Variants in SLC4A10 observed in about 807,000 individuals in gnomAD.
The protein encoded by SLC4A10 is solute carrier family 4 member 10.
A neutral mutation model predicts 137.7 loss-of-function variants in SLC4A10; 42 were observed. That is an observed-to-expected ratio of 0.30 (90% CI 0.24 to 0.39). SLC4A10 has a LOEUF of 0.39. SLC4A10 is among the 10% of genes least tolerant of loss of function. SLC4A10 has a pLI of 1.00. For synonymous variants in SLC4A10, 474 were observed against 464.1 expected, an observed-to-expected ratio of 1.02 and a Z score of -0.27; for missense variants, 925 against 1,355.0, an observed-to-expected ratio of 0.68 and a Z score of 4.98.
chr2:161,646,118 T>G (rs2035997036), intron 1 of SLC4A10, among the ~76,000 whole-genome samples: 2 of 152,036 alleles, frequency 1.3e-5, no homozygotes, highest in Non-Finnish European at 2.9e-5. Flanking sequence ...GCTAATAGCT[T>G]TTTTGGGAAT....
chr2:161,859,594 C>CTTTTCTTTTTTTTT (rs2060300861), intron 5 of SLC4A10, among the ~76,000 whole-genome samples: 3 of 47,282 alleles, frequency 6.3e-5, no homozygotes, highest in Non-Finnish European at 1.1e-4. Context: ...CTTTTCTTTT[C>CTTTTCTTTTTTTTT]TTTTTTTTTT....
At chr2:161,726,930 A>G (rs1375293814) in intron 1 of SLC4A10, among the ~76,000 whole-genome samples, 1 of 152,186 alleles carries the variant, frequency 6.6e-6, no homozygotes, top group East Asian at 1.9e-4. Flanking sequence ...AAACAAACAA[A>G]GAGACTCAAG....
intron 10 of SLC4A10, among the ~76,000 whole-genome samples, chr2:161,893,856 G>A (rs1172382345): frequency 6.6e-6 from 1 of 151,762 alleles, no homozygotes; most frequent in Non-Finnish European, 1.5e-5. Flanking sequence ...AAGTACAGAT[G>A]CTCCTCAACT....
chr2:161,903,584 C>A (rs906749945), intron 12 of SLC4A10, among the ~76,000 whole-genome samples: 1 of 152,062 alleles, frequency 6.6e-6, no homozygotes, highest in African/African-American at 2.4e-5. Context: ...GCCAGCTAAC[C>A]CTCCCTCCCT....
chr2:161,743,873 C>T (rs768715087), intron 1 of SLC4A10, among the ~76,000 whole-genome samples: 2 of 151,460 alleles, frequency 1.3e-5, no homozygotes, highest in East Asian at 3.9e-4. Context: ...AAGTTTATTC[C>T]TTGATATTTT....
rs572288230 is a variant in SLC4A10 at position 161,667,334 on chromosome 2, A to G, written c.48+42768A>G. 3.3e-5 allele frequency among the ~76,000 whole-genome samples: 5 copies of G among 151,802 alleles called. No individual in the cohort carries two copies. The South Asian group carries it at 1.0e-3, about 31-fold the overall frequency. On this transcript the variant is annotated intron_variant, in intron 1 of 26. Transcript: ENST00000446997. The stretch of plus-strand genomic sequence containing the variant: ...CCAGATTCTGCTCTAGGTGCTGGTA[A>G]AACAGAAGTGAAAACTAATGTCTCT...
At chr2:161,828,707 G>A (rs531085550) in intron 3 of SLC4A10, among the ~76,000 whole-genome samples, 10 of 132,630 alleles carry the variant, frequency 7.5e-5, no homozygotes, top group African/African-American at 2.5e-4. Flanking sequence ...CTGCTTACCC[G>A]GGATCTTAAT....
chr2:161,725,855 G>A (rs1353301618), intron 1 of SLC4A10, among the ~76,000 whole-genome samples: 1 of 152,172 alleles, frequency 6.6e-6, no homozygotes, highest in African/African-American at 2.4e-5. Flanking sequence ...TTTAGCATAA[G>A]TTAGTGGGAT....
chr2:161,957,148 C>T lies in SLC4A10; in HGVS notation c.2701C>T (p.Pro901Ser). ...AGAATGCTCAGCTCCAGGAGAACAA[C>T]CCAAATTTCTCGGCATTCGGGAGCA... ...ESECSAPGEQ[P>S]KFLGIREQRV... The change falls in exon 20 of 27, where the codon CCC becomes TCC. Residue 901 changes from proline to serine, a missense_variant. Physicochemically the swap from Pro to Ser is moderately conservative, Grantham distance 74 (BLOSUM62 -1). Around this residue, in one of 11 missense-constraint regions of SLC4A10, gnomAD observed 115 missense variants for 237.5 expected, o/e 0.48. Transcript: ENST00000446997. 1 of 1,613,760 alleles carries T rather than the reference C, an allele frequency of 6.2e-7. No homozygotes were observed. Among genetic ancestry groups the T allele is most frequent in the Non-Finnish European group, 8.5e-7 (1 of 1,179,818 alleles).
At chr2:161,859,301 T>TTTTCTTTTC (rs748143219) in intron 5 of SLC4A10, among the ~76,000 whole-genome samples, 2 of 54,480 alleles carry the variant, frequency 3.7e-5, no homozygotes, top group African/African-American at 5.1e-5. Flanking sequence ...CTTTTCTTTT[T>TTTTCTTTTC]TTTTTTTTTA....
chr2:161,678,450 G>A (rs955842550), intron 1 of SLC4A10, among the ~76,000 whole-genome samples: 1 of 152,196 alleles, frequency 6.6e-6, no homozygotes, highest in Admixed American at 6.6e-5. Flanking sequence ...AGTGAGAGAC[G>A]ACACGGATAT....
chr2:161,981,670 G>A (rs563466412), intron 26 of SLC4A10, among the ~76,000 whole-genome samples: 2 of 152,342 alleles, frequency 1.3e-5, no homozygotes, highest in Admixed American at 6.5e-5. Context: ...TAAAGTAGAA[G>A]AAAGTGAGTC....
intron 1 of SLC4A10, among the ~76,000 whole-genome samples, chr2:161,672,051 G>C (rs1328110513): frequency 1.3e-5 from 2 of 152,092 alleles, no homozygotes; most frequent in East Asian, 3.9e-4. Context: ...AGAGAATGGG[G>C]GGTGTGGACA....
intron 1 of SLC4A10, among the ~76,000 whole-genome samples, chr2:161,722,632 G>T (rs1042656218): frequency 5.9e-5 from 9 of 152,100 alleles, no homozygotes; most frequent in Admixed American, 2.6e-4. Flanking sequence ...CTTTTGGGGG[G>T]TCTCCCCAAG....
chr2:161,764,993 T>G (rs75919140), intron 1 of SLC4A10, among the ~76,000 whole-genome samples: 1 of 152,142 alleles, frequency 6.6e-6, no homozygotes, highest in African/African-American at 2.4e-5. Context: ...TTCTGTCGGA[T>G]TAGTTACTGT....
chr2:161,949,552 G>T (rs187043038), intron 18 of SLC4A10, among the ~76,000 whole-genome samples: 3 of 152,072 alleles, frequency 2.0e-5, no homozygotes, highest in African/African-American at 7.2e-5. Context: ...GGAAGCATTT[G>T]AAACTAAGAG....
At chr2:161,956,960 C>A (rs1474359806) in intron 19 of SLC4A10, 29 bp from the exon 20 acceptor site, 9 of 1,537,994 alleles carry the variant, frequency 5.9e-6, no homozygotes, top group Middle Eastern at 1.7e-4. Context: ...GACACAGTTT[C>A]TTTCTCTCTT....
At chr2:161,959,657 G>T (rs13011013) in intron 21 of SLC4A10, among the ~76,000 whole-genome samples, 1 of 152,014 alleles carries the variant, frequency 6.6e-6, no homozygotes, top group African/African-American at 2.4e-5. Flanking sequence ...ATGAGAAAGA[G>T]GATGAAGTGC....
At chr2:161,811,619 A>T (rs546395360) in intron 3 of SLC4A10, among the ~76,000 whole-genome samples, 1 of 152,008 alleles carries the variant, frequency 6.6e-6, no homozygotes, top group Non-Finnish European at 1.5e-5. Context: ...CGCCTTCTTC[A>T]TCATTCTCCA....
Sources: gnomAD v4.1 joint callset for allele counts (sites outside exome capture counted in the v4.1 genomes callset) on GRCh38, gnomAD v4.1.1 for gene constraint, gnomAD v4.1.1 regional missense constraint, MANE v1.5 for transcripts, NCBI Gene and HGNC (gene_info 2026-07-23, HGNC 2026-07-21) for gene names.